The following MAZ variants were observed in gnomAD, a reference collection of about 807,000 sequenced individuals.
MAZ encodes the protein MYC associated zinc finger protein.
A neutral mutation model predicts 32.7 loss-of-function variants in MAZ; 4 were observed. The observed-to-expected ratio is 0.12, with a 90% CI of 0.06 to 0.28. MAZ has a LOEUF of 0.28. Ranked by LOEUF, MAZ falls within the 10% of genes least tolerant of loss-of-function variation. The probability of loss-of-function intolerance (pLI) is 1.00; values close to 1 mark genes in which losing one functional copy is unlikely to be tolerated. For missense variants in MAZ, 763 were observed against 667.2 expected (o/e 1.14, Z -1.58); for synonymous variants, 510 against 297.6 (o/e 1.71, Z -7.35).
In MAZ at chr16:29,811,091, C is replaced by T. The variant is rs769154222; in HGVS notation, c.*860C>T. 12 of 454,034 alleles carry T rather than the reference C, an allele frequency of 2.6e-5. No individual in the cohort carries two copies. The highest frequency in any genetic ancestry group is 9.4e-5 in the South Asian group (6 of 63,936). The allele number at this position is 454,034 out of a possible 1,614,324, so 28.1% of individuals were successfully genotyped here. ...GGCCATGTCATCGTGTTCCTGTGTCCCCTGCATGTACCCCACCCTCCACCC... is the reference window on the plus strand; with the variant it reads ...GGCCATGTCATCGTGTTCCTGTGTCTCCTGCATGTACCCCACCCTCCACCC... On this transcript the variant is annotated 3_prime_UTR_variant, in exon 5 of 5. Transcript: ENST00000322945.
intron 4 of MAZ, chr16:29,809,468 T>A: frequency 4.5e-6 from 4 of 889,842 alleles, no homozygotes; most frequent in African/African-American, 1.7e-5. Context: ...ATCCCCCGCC[T>A]AGGAGATCAG....
In MAZ at chr16:29,807,713, C is replaced by T. The variant is rs778060413; in HGVS notation, c.928C>T (p.Pro310Ser). ...CTCGGACGAGAAGCCCTACCAGTGC[C>T]CGGTGTGCCAGCAGCGCTTCAAGCG... ...SHSDEKPYQC[P>S]VCQQRFKRKD... The change falls in exon 2 of 5, where the codon CCG (proline) becomes TCG (serine). Residue 310 changes from proline to serine, a missense_variant. Coordinates refer to ENST00000322945, the MANE Select transcript of MAZ (RefSeq NM_002383.4). The T allele has an allele frequency of 3.5e-5, 57 of 1,612,818 alleles. No individual in the cohort carries two copies. Among genetic ancestry groups the T allele is most frequent in the Non-Finnish European group, 4.3e-5 (51 of 1,179,988 alleles).
At position 29,807,239 on chromosome 16, in the gene MAZ, TCCGCCG is replaced by T; in HGVS notation, c.457_462del (p.Ala153_Ala154del). 7.2e-7 allele frequency: 1 copy of T among 1,394,062 alleles called. No individual in the cohort carries two copies. 86.4% of individuals were successfully genotyped at this position (1,394,062 alleles called of 1,614,324 possible). On this transcript the variant is annotated inframe_deletion, in exon 2 of 5. Transcript: ENST00000322945. ...CGCGGCCGAGGCCGCGCCCCCCGCC[TCCGCCG>T]CCACTATCGCCGCGGCGGCGGCCAC... is the stretch of plus-strand genomic sequence containing the variant.
intron 4 of MAZ, chr16:29,809,757 C>A (rs757888792): frequency 1.8e-5 from 26 of 1,414,252 alleles, no homozygotes; most frequent in Non-Finnish European, 2.0e-5. Flanking sequence ...GACCCCCGCA[C>A]CCACCAGGCA....
rs1244956365 is a variant in MAZ, at chr16:29,807,640, C to T, written c.855C>T (p.Gly285=). The change falls in exon 2 of 5, where the codon GGC becomes GGT. Residue 285 remains glycine, a synonymous_variant. Transcript: ENST00000322945. ...IRKNHACEMC[G]KAFRDVYHLN... is the part of the protein sequence containing the mutation. ...AGAACCATGCCTGCGAGATGTGTGG[C>T]AAGGCCTTCCGCGACGTCTACCACC... 3 of 1,612,682 alleles carry T rather than the reference C, an allele frequency of 1.9e-6. No homozygotes were observed. Among genetic ancestry groups the T allele is most frequent in the Non-Finnish European group, 2.5e-6 (3 of 1,179,938 alleles).
rs373157006 is a variant in MAZ, at chr16:29,807,482, C to T, written c.697C>T (p.Leu233=). Residue 233 remains leucine (L), a synonymous_variant, in exon 2 of 5, where the codon CTG becomes TTG. Coordinates refer to ENST00000322945, the MANE Select transcript of MAZ (RefSeq NM_002383.4). The part of the protein sequence containing the change: ...GAMKMPTMVP[L]SLLSVPQLSG... ...TATGAAGATGCCGACCATGGTGCCC[C>T]TGAGCCTCCTGAGCGTGCCCCAGCT... The T allele has an allele frequency of 5.0e-6, 8 of 1,612,040 alleles. No individual in the cohort carries two copies. Among genetic ancestry groups the T allele is most frequent in the Admixed American group, 1.7e-5 (1 of 59,986 alleles).
intron 4 of MAZ, chr16:29,809,130 C>G: frequency 2.0e-6 from 1 of 508,000 alleles, no homozygotes; most frequent in Non-Finnish European, 3.5e-6. Context: ...TACCAGCACG[C>G]ACCCTGCACG....
rs530554798 is a variant in MAZ at position 29,810,429 on chromosome 16, C to T, written c.*198C>T. On this transcript the variant is annotated 3_prime_UTR_variant, in exon 5 of 5. Transcript: ENST00000322945. ...TTTCTCCTGCTCCTCTTCTGTCAGA[C>T]CTGACCCCACACAAACCTGTCCCCT... 11 of 728,926 alleles carry T rather than the reference C, an allele frequency of 1.5e-5. No individual in the cohort carries two copies. The highest frequency in any genetic ancestry group is 2.3e-4 in the Middle Eastern group (1 of 4,430). 45.2% of individuals were successfully genotyped at this position (728,926 alleles called of 1,614,324 possible). A position where few individuals can be genotyped will look rare whatever the true frequency, so the allele number is the denominator to read the frequency against.
In MAZ at chr16:29,810,137, C is replaced by T. The variant is rs1899845361; in HGVS notation, c.1340C>T (p.Ala447Val). 1 of 1,610,540 alleles carries T rather than the reference C, an allele frequency of 6.2e-7. No individual in the cohort carries two copies. The highest frequency in any genetic ancestry group is 8.5e-7 in the Non-Finnish European group (1 of 1,179,096). Residue 447 changes from alanine to valine, a missense_variant, in exon 5 of 5, where the codon GCA (alanine) becomes GTA (valine). Coordinates refer to ENST00000322945, the MANE Select transcript of MAZ (RefSeq NM_002383.4). ...GCAGCGGCGGCAGCGGCAGCAGCGGCAGCAGTAGCAGCCCCTCCCACAGCT... is the reference window on the plus strand; with the variant it reads ...GCAGCGGCGGCAGCGGCAGCAGCGGTAGCAGTAGCAGCCCCTCCCACAGCT... Reference protein sequence around the residue: ...AAAAAAAAAAAAVAAPPTAVG... With the variant: ...AAAAAAAAAAVAVAAPPTAVG...
rs1324621071 is a variant in MAZ, at chr16:29,810,382, T to G, written c.*151T>G. On this transcript the variant is annotated 3_prime_UTR_variant, in exon 5 of 5. Transcript: ENST00000322945. ...AGGAAGAAATGTTTTCTTAGGGGAA[T>G]TCGCTAGGTTTTAACGATTTGTTTC... The G allele has an allele frequency of 7.1e-6, 6 of 846,578 alleles. No individual in the cohort carries two copies. Among genetic ancestry groups the G allele is most frequent in the African/African-American group, 5.0e-5 (3 of 59,870 alleles). 52.4% of individuals were successfully genotyped at this position (846,578 alleles called of 1,614,324 possible).
intron 4 of MAZ, chr16:29,808,944 C>CA (rs1899733423): frequency 5.1e-6 from 3 of 588,996 alleles, no homozygotes; most frequent in Non-Finnish European, 8.9e-6. Context: ...GATGATCTGC[C>CA]AGAGAGGTTG....
In MAZ at chr16:29,809,654, C is replaced by T. The variant is rs199670445; in HGVS notation, c.1280-423C>T. On this transcript the variant is annotated intron_variant, in intron 4 of 4. Coordinates refer to ENST00000322945, the MANE Select transcript of MAZ (RefSeq NM_002383.4). ...TGCAGCGTGCACTGCAAGACCCCTG[C>T]CCAGCTGGCCGGCCACATGCAGACC... 2.1e-5 allele frequency: 33 copies of T among 1,588,246 alleles called. No individual in the cohort carries two copies. The highest frequency in any genetic ancestry group is 2.4e-5 in the Non-Finnish European group (28 of 1,165,780).
At chr16:29,808,396 GC>G in intron 3 of MAZ, 103 bp downstream of exon 3, 1 of 1,242,008 alleles carries the variant, frequency 8.1e-7, no homozygotes, top group Non-Finnish European at 1.2e-6. Context: ...TCTTCTTTTT[GC>G]CTTTTTGCTC....
At chr16:29,809,404 G>T (rs1434827752) in intron 4 of MAZ, 1 of 655,438 alleles carries the variant, frequency 1.5e-6, no homozygotes, top group Non-Finnish European at 2.7e-6. Flanking sequence ...AGAGCAGTTG[G>T]CCCCAGGCTA....
chr16:29,808,368 A>C, intron 3 of MAZ, 75 bp downstream of exon 3: 1 of 1,443,024 alleles, frequency 6.9e-7, no homozygotes, highest in South Asian at 1.1e-5. Context: ...TCAGTCTCTC[A>C]GACCCCCTTT....
Position 29,806,545 on chromosome 16 carries a change from CGCCG to C in MAZ, c.-151_-148del. 4.5e-6 allele frequency: 4 copies of C among 882,766 alleles called. No individual in the cohort carries two copies. Among genetic ancestry groups the C allele is most frequent in the Non-Finnish European group, 5.4e-6 (4 of 743,058 alleles). 54.7% of individuals were successfully genotyped at this position (882,766 alleles called of 1,614,324 possible). A position where few individuals can be genotyped will look rare whatever the true frequency, so the allele number is the denominator to read the frequency against. ...CAAGGCGCCCTCTTTTCCTCCCTCC[CGCCG>C]GCCGGGGTGCGCGGGCGGCGGGGCG... On this transcript the variant is annotated 5_prime_UTR_variant, in exon 1 of 5. Transcript: ENST00000322945.
rs1382566166 is a variant in MAZ at position 29,807,234 on chromosome 16, C to A, written c.449C>A (p.Pro150His). 3 of 1,376,816 alleles carry A rather than the reference C, an allele frequency of 2.2e-6. No homozygotes were observed. The highest frequency in any genetic ancestry group is 3.6e-5 in the South Asian group (2 of 55,282). The allele number at this position is 1,376,816 out of a possible 1,614,324, so 85.3% of individuals were successfully genotyped here. ...VSAPAAEAAPPASAATIAAAA... is the reference protein window; with the variant it reads ...VSAPAAEAAPHASAATIAAAA... The stretch of plus-strand genomic sequence containing the variant: ...GCGCCCGCGGCCGAGGCCGCGCCCC[C>A]CGCCTCCGCCGCCACTATCGCCGCG... The change falls in exon 2 of 5, where the codon CCC becomes CAC. Residue 150 changes from proline to histidine, a missense_variant. Coordinates refer to ENST00000322945, the MANE Select transcript of MAZ (RefSeq NM_002383.4).
chr16:29,808,389 TCTTTTTGC>T lies in MAZ; in HGVS notation c.1107+105_1107+112del, dbSNP rs901999742. On this transcript the variant is annotated intron_variant, in intron 3 of 4. Transcript: ENST00000322945. ...TCTCAGACCCCCTTTTTCTCTCTCTTCTTTTTGCCTTTTTGCTCCATTTTCTCATCCCT... is the reference window on the plus strand; with the variant it reads ...TCTCAGACCCCCTTTTTCTCTCTCTTCTTTTTGCTCCATTTTCTCATCCCT... The T allele has an allele frequency of 6.1e-6, 8 of 1,309,098 alleles. No homozygotes were observed. The African/African-American group carries it at 7.3e-5, about 12-fold the overall frequency. The allele number at this position is 1,309,098 out of a possible 1,614,324, so 81.1% of individuals were successfully genotyped here. A position where few individuals can be genotyped will look rare whatever the true frequency, so the allele number is the denominator to read the frequency against.
chr16:29,806,474 C>T (rs1899455889), upstream of MAZ: 1 of 211,848 alleles, frequency 4.7e-6, no homozygotes, highest in Non-Finnish European at 7.5e-6. Flanking sequence ...CCCGCCCCCA[C>T]CCAGGGGGCG....
Sources: allele counts gnomAD v4.1 joint callset, GRCh38; gene constraint gnomAD v4.1.1; transcripts MANE v1.5; gene names NCBI Gene and HGNC (gene_info 2026-07-23, HGNC 2026-07-21).